Variants in SH3RF1 observed in about 807,000 individuals in gnomAD.
SH3RF1 encodes E3 ubiquitin-protein ligase SH3RF1.
Under a neutral mutation model 74.0 loss-of-function variants are expected in SH3RF1, and 32 were observed. The ratio of observed to expected loss-of-function variants is 0.43; its 90% CI spans 0.33 to 0.58. The LOEUF (loss-of-function observed/expected upper bound fraction) is 0.58. Among genes scored for constraint, SH3RF1 ranks in the 20% least tolerant of loss-of-function variants. The pLI, the probability that SH3RF1 is intolerant of heterozygous loss-of-function variation, is 0.05. For missense variants in SH3RF1, 954 were observed against 1,130.9 expected (o/e 0.84, Z 2.24); for synonymous variants, 396 against 439.6 (o/e 0.90, Z 1.24).
chr4:169,135,510 C>A (rs1306911922), intron 5 of SH3RF1, among the ~76,000 whole-genome samples: 1 of 152,146 alleles, frequency 6.6e-6, no homozygotes, highest in East Asian at 1.9e-4. Context: ...CAAAATACAG[C>A]CATCACCTAA....
intron 11 of SH3RF1, among the ~76,000 whole-genome samples, chr4:169,099,159 C>CTGTAGCTACAGCT (rs1732976577): frequency 3.3e-5 from 5 of 152,208 alleles, no homozygotes; most frequent in Admixed American, 3.3e-4. Flanking sequence ...GTGATGCAAT[C>CTGTAGCTACAGCT]ACAGCTCACT....
chr4:169,183,643 G>C (rs1458159149), intron 2 of SH3RF1, among the ~76,000 whole-genome samples: 1 of 151,942 alleles, frequency 6.6e-6, no homozygotes, highest in African/African-American at 2.4e-5. Context: ...AGCTACTTGA[G>C]GGACTGTGGT....
chr4:169,101,053 T>A (rs559757488), intron 11 of SH3RF1, among the ~76,000 whole-genome samples: 3 of 152,328 alleles, frequency 2.0e-5, no homozygotes, highest in Admixed American at 6.5e-5. Flanking sequence ...CATGTATATG[T>A]CTTACAGCAC....
chr4:169,261,557 G>A (rs550447121), intron 2 of SH3RF1, among the ~76,000 whole-genome samples: 181 of 150,332 alleles, frequency 1.2e-3, no homozygotes, highest in African/African-American at 4.1e-3. Flanking sequence ...ATAGTGAGCC[G>A]TAAACACTCC....
At chr4:169,183,254 T>C (rs1734543526) in intron 2 of SH3RF1, among the ~76,000 whole-genome samples, 1 of 152,160 alleles carries the variant, frequency 6.6e-6, no homozygotes, top group Non-Finnish European at 1.5e-5. Flanking sequence ...GAGCCGAGAT[T>C]GCATCACTGC....
intron 5 of SH3RF1, among the ~76,000 whole-genome samples, chr4:169,131,204 G>A (rs1308558164): frequency 6.6e-6 from 1 of 152,170 alleles, no homozygotes; most frequent in Non-Finnish European, 1.5e-5. Flanking sequence ...ATCATGGCAT[G>A]TAATTTATTT....
At position 169,183,924 on chromosome 4, in the gene SH3RF1, T is replaced by G. The variant is rs551668801; in HGVS notation, c.394-27245A>C. 7.2e-5 allele frequency among the ~76,000 whole-genome samples: 11 copies of G among 152,322 alleles called. No individual in the cohort carries two copies. In the East Asian group the frequency reaches 2.1e-3, roughly 29 times the overall value. ...CATGAAGTTTATGAGACTACAAAGA[T>G]AAAGCTGACAGACTGTCTCCATGAG... On this transcript the variant is annotated intron_variant, in intron 2 of 11. Coordinates refer to ENST00000284637, the MANE Select transcript of SH3RF1 (RefSeq NM_020870.4).
In SH3RF1 at chr4:169,174,594, T is replaced by G. The variant is rs1241261024; in HGVS notation, c.394-17915A>C. 2.0e-5 allele frequency among the ~76,000 whole-genome samples: 3 copies of G among 152,314 alleles called. No individual in the cohort carries two copies. In the East Asian group the frequency reaches 5.8e-4, roughly 29 times the overall value. On this transcript the variant is annotated intron_variant, in intron 2 of 11. Transcript: ENST00000284637. The stretch of plus-strand genomic sequence containing the variant: ...GTTTTTCTTTCTCAATTGCTCCATC[T>G]TCTGACATTTGCTCTTTTCTAACTA...
chr4:169,166,502 T>C, intron 2 of SH3RF1: 1 of 185,328 alleles, frequency 5.4e-6, no homozygotes, highest in East Asian at 1.2e-4. Context: ...AGCCAATAAA[T>C]CCAAGGTTGA....
At chr4:169,139,518 CAT>C (rs1733751042) in intron 4 of SH3RF1, among the ~76,000 whole-genome samples, 1 of 152,228 alleles carries the variant, frequency 6.6e-6, no homozygotes, top group African/African-American at 2.4e-5. Context: ...TGCTGATTAA[CAT>C]GTGGGTTTTC....
At chr4:169,249,455 C>A (rs185489333) in intron 2 of SH3RF1, among the ~76,000 whole-genome samples, 297 of 152,288 alleles carry the variant, frequency 2.0e-3, no homozygotes, top group Middle Eastern at 0.01. Flanking sequence ...CTTGGACTTC[C>A]CAGTCTCTAG....
At chr4:169,213,238 C>A (rs1297179549) in intron 2 of SH3RF1, among the ~76,000 whole-genome samples, 1 of 152,140 alleles carries the variant, frequency 6.6e-6, no homozygotes, top group African/African-American at 2.4e-5. Flanking sequence ...CTAATAGGTA[C>A]CTGGTGGTAG....
At chr4:169,107,288 C>T (rs1329134228) in intron 10 of SH3RF1, 83 bp from the exon 11 acceptor site, 1 of 1,264,268 alleles carries the variant, frequency 7.9e-7, no homozygotes, top group Non-Finnish European at 1.1e-6. Context: ...TAGTTCATTA[C>T]TACTTTTTAA....
At chr4:169,190,936 G>C (rs1194234127) in intron 2 of SH3RF1, among the ~76,000 whole-genome samples, 1 of 152,096 alleles carries the variant, frequency 6.6e-6, no homozygotes. Flanking sequence ...GTCAATAAAT[G>C]TGATACACCA....
At chr4:169,129,848 T>G (rs1052967715) in intron 6 of SH3RF1, among the ~76,000 whole-genome samples, 198 bp downstream of exon 6, 4 of 152,272 alleles carry the variant, frequency 2.6e-5, no homozygotes, top group African/African-American at 9.6e-5. Context: ...TGATCCTCAC[T>G]GTTAAAAATT....
At chr4:169,131,129 A>T (rs1230913945) in intron 5 of SH3RF1, among the ~76,000 whole-genome samples, 3 of 152,254 alleles carry the variant, frequency 2.0e-5, no homozygotes, top group African/African-American at 7.2e-5. Flanking sequence ...TAGTTCCCAG[A>T]GGACCTAATG....
chr4:169,163,869 T>C (rs763163408), intron 2 of SH3RF1, among the ~76,000 whole-genome samples: 9 of 152,314 alleles, frequency 5.9e-5, no homozygotes, highest in Non-Finnish European at 1.2e-4. Flanking sequence ...TTCTTTCACT[T>C]GGATTTTTAT....
rs1732889158 is a variant in SH3RF1, at chr4:169,094,953, C to T, written c.*1566G>A. 1 of 152,270 alleles carries T rather than the reference C, an allele frequency of 6.6e-6. No individual in the cohort carries two copies. Among genetic ancestry groups the T allele is most frequent in the African/African-American group, 2.4e-5 (1 of 41,374 alleles). The allele number at this position is 152,270 out of a possible 1,614,324, so 9.4% of individuals were successfully genotyped here. On this transcript the variant is annotated 3_prime_UTR_variant, in exon 12 of 12. Transcript: ENST00000284637. ...ATGAAAGGGTTTATTATGTATTTCC[C>T]ATGAGAAAACTGTGGTAAGGATCTT...
At chr4:169,141,451 C>A (rs958783131) in intron 4 of SH3RF1, among the ~76,000 whole-genome samples, 2 of 152,092 alleles carry the variant, frequency 1.3e-5, no homozygotes, top group South Asian at 4.1e-4. Flanking sequence ...GTAGAATTTG[C>A]TAGATCAAAG....
Sources: gnomAD v4.1 joint callset for allele counts (sites outside exome capture counted in the v4.1 genomes callset) on GRCh38, gnomAD v4.1.1 for gene constraint, MANE v1.5 for transcripts, NCBI Gene and HGNC (gene_info 2026-07-23, HGNC 2026-07-21) for gene names.